The following ATP2C1 variants were observed in gnomAD, a reference collection of about 807,000 sequenced individuals.
ATP2C1 encodes the protein calcium-transporting ATPase type 2C member 1.
ATP2C1 carries 31 observed loss-of-function variants against 120.5 expected under a neutral mutation model. The ratio of observed to expected loss-of-function variants is 0.26; its 90% CI spans 0.19 to 0.35. The LOEUF (loss-of-function observed/expected upper bound fraction) is 0.35. ATP2C1 is among the 10% of genes least tolerant of loss of function. The pLI is 1.00. For synonymous variants in ATP2C1, 351 were observed against 358.7 expected (o/e 0.98, Z 0.24); for missense variants, 731 against 1,107.5 (o/e 0.66, Z 4.83).
At chr3:130,861,546 T>A (rs2068014627) in intron 1 of ATP2C1, among the ~76,000 whole-genome samples, 1 of 152,212 alleles carries the variant, frequency 6.6e-6, no homozygotes. Context: ...ATGAGGAACG[T>A]TCATACTGAT....
chr3:130,942,460 C>T (rs2059965572), intron 8 of ATP2C1, among the ~76,000 whole-genome samples: 1 of 152,178 alleles, frequency 6.6e-6, no homozygotes, highest in Non-Finnish European at 1.5e-5. Context: ...CATTAGTATG[C>T]AGGTCTTATC....
rs1198970038 is a variant in ATP2C1, at chr3:131,001,612, A to T, written c.*262A>T. 8.8e-7 allele frequency: 1 copy of T among 1,130,016 alleles called. No individual in the cohort carries two copies. The highest frequency in any genetic ancestry group is 1.6e-5 in the African/African-American group (1 of 61,138). The allele number at this position is 1,130,016 out of a possible 1,614,324, so 70.0% of individuals were successfully genotyped here. Reference sequence around the variant, plus strand: ...AAAGCATATGGTCAGTTATTTAATTAAAAAGGCAAAACCTGAACCACCTTC... The same window carrying T: ...AAAGCATATGGTCAGTTATTTAATTTAAAAGGCAAAACCTGAACCACCTTC... On this transcript the variant is annotated 3_prime_UTR_variant, in exon 28 of 28. Coordinates refer to ENST00000510168, the MANE Select transcript of ATP2C1 (RefSeq NM_001378687.1).
chr3:130,908,991 A>C (rs2058267667), intron 2 of ATP2C1, among the ~76,000 whole-genome samples: 1 of 152,184 alleles, frequency 6.6e-6, no homozygotes, highest in South Asian at 2.1e-4. Context: ...TAATTTATCA[A>C]ATGAAGAATA....
chr3:130,959,442 C>T (rs937669962), intron 12 of ATP2C1, 101 bp downstream of exon 12: 9 of 741,970 alleles, frequency 1.2e-5, no homozygotes, highest in Non-Finnish European at 2.1e-5. Flanking sequence ...TACATGGAGC[C>T]CATAAGAGTA....
intron 1 of ATP2C1, among the ~76,000 whole-genome samples, chr3:130,881,865 G>A (rs2068792075): frequency 6.6e-6 from 1 of 152,014 alleles, no homozygotes; most frequent in African/African-American, 2.4e-5. Context: ...GTACTCTGTT[G>A]GCATATAGAA....
chr3:130,901,475 G>A (rs2057819455), intron 2 of ATP2C1, among the ~76,000 whole-genome samples: 1 of 152,050 alleles, frequency 6.6e-6, no homozygotes, highest in Non-Finnish European at 1.5e-5. Context: ...AGGGATGGAT[G>A]ACAGAGATAT....
At chr3:130,907,551 C>T (rs900198399) in intron 2 of ATP2C1, among the ~76,000 whole-genome samples, 1 of 152,020 alleles carries the variant, frequency 6.6e-6, no homozygotes, top group Non-Finnish European at 1.5e-5. Flanking sequence ...AATGTCTTGG[C>T]ACCCTTGTCA....
At chr3:131,006,283 T>C (rs539167242), downstream of ATP2C1, among the ~76,000 whole-genome samples, 241 of 152,238 alleles carry the variant, frequency 1.6e-3, no homozygotes, top group Non-Finnish European at 2.6e-3. Flanking sequence ...AGCTAATTTT[T>C]GCATATTTAG....
At chr3:130,937,517 A>G in intron 6 of ATP2C1, 54 bp downstream of exon 6, 3 of 1,485,124 alleles carry the variant, frequency 2.0e-6, no homozygotes, top group Middle Eastern at 3.4e-4. Context: ...CTTAAAAATC[A>G]AGGTGTCTTG....
chr3:130,943,996 T>TA (rs1277300602), intron 8 of ATP2C1, among the ~76,000 whole-genome samples: 1 of 152,238 alleles, frequency 6.6e-6, no homozygotes, highest in East Asian at 1.9e-4. Flanking sequence ...GGTCATTTGA[T>TA]ACTACTGTAT....
At chr3:130,892,339 G>A (rs2069201558), upstream of ATP2C1, among the ~76,000 whole-genome samples, 1 of 152,176 alleles carries the variant, frequency 6.6e-6, no homozygotes, top group African/African-American at 2.4e-5. Flanking sequence ...AATATGTACA[G>A]TAATAACTGT....
intron 1 of ATP2C1, among the ~76,000 whole-genome samples, chr3:130,881,619 T>C (rs1325216447): frequency 1.3e-5 from 2 of 152,230 alleles, no homozygotes; most frequent in Admixed American, 6.5e-5. Context: ...TTGGTAGAGA[T>C]TGCATTCAAT....
chr3:130,978,210 C>T (rs767236152), intron 18 of ATP2C1, among the ~76,000 whole-genome samples: 1 of 152,146 alleles, frequency 6.6e-6, no homozygotes, highest in African/African-American at 2.4e-5. Context: ...TTGGAGCCCA[C>T]ATCTACATAA....
At chr3:130,977,280 T>C (rs2061566897) in intron 18 of ATP2C1, among the ~76,000 whole-genome samples, 1 of 152,212 alleles carries the variant, frequency 6.6e-6, no homozygotes, top group South Asian at 2.1e-4. Flanking sequence ...CCTTTCTTTT[T>C]AAATTTACTT....
intron 8 of ATP2C1, among the ~76,000 whole-genome samples, chr3:130,943,251 T>G (rs1176892600): frequency 6.6e-6 from 1 of 152,228 alleles, no homozygotes; most frequent in African/African-American, 2.4e-5. Context: ...AGTCTCACTC[T>G]GTTGCCCAGG....
At chr3:130,995,269 G>T (rs2062557309) in intron 22 of ATP2C1, among the ~76,000 whole-genome samples, 1 of 151,982 alleles carries the variant, frequency 6.6e-6, no homozygotes, top group South Asian at 2.1e-4. Context: ...AAAAAAAATA[G>T]CTGGGAGTGG....
At position 130,894,551 on chromosome 3, in the gene ATP2C1, G is replaced by A; in HGVS notation, c.-180-39G>A. The stretch of plus-strand genomic sequence containing the variant: ...GGCTGGGCGGGGAACTCCTTCCTCA[G>A]CCTCTCGTCAGCGCCGCTTCTCCTG... On this transcript the variant is annotated intron_variant, in intron 1 of 27. Transcript: ENST00000510168. The surrounding 1 kb of genome is among the most constrained non-coding windows in gnomAD (Gnocchi z 4.5). 4.9e-6 allele frequency: 7 copies of A among 1,415,276 alleles called. No individual in the cohort carries two copies. The highest frequency in any genetic ancestry group is 6.4e-6 in the Non-Finnish European group (7 of 1,085,534). The allele number at this position is 1,415,276 out of a possible 1,614,324, so 87.7% of individuals were successfully genotyped here.
chr3:130,881,351 TCCTC>T, intron 1 of ATP2C1, among the ~76,000 whole-genome samples: 1 of 109,650 alleles, frequency 9.1e-6, no homozygotes, highest in South Asian at 3.1e-4. Flanking sequence ...CTTCTTCTCC[TCCTC>T]CTCCTCCTCC....
Position 130,894,721 on chromosome 3 carries a change from G to A in ATP2C1, c.-49G>A. 1 of 1,614,130 alleles carries A rather than the reference G, an allele frequency of 6.2e-7. No individual in the cohort carries two copies. ...CTCTATTCCCAGTGTGGCCGTGGCT[G>A]ACACTAAAGACTTTGTAGCCATCAA... is the stretch of plus-strand genomic sequence containing the variant. On this transcript the variant is annotated 5_prime_UTR_variant, in exon 2 of 28. Coordinates refer to ENST00000510168, the MANE Select transcript of ATP2C1 (RefSeq NM_001378687.1). The surrounding 1 kb of genome is among the most constrained non-coding windows in gnomAD (Gnocchi z 4.5).
Sources: gnomAD v4.1 joint callset for allele counts (sites outside exome capture counted in the v4.1 genomes callset) on GRCh38, gnomAD v4.1.1 for gene constraint, Gnocchi (gnomAD v3.1) non-coding constraint, MANE v1.5 for transcripts, NCBI Gene and HGNC (gene_info 2026-07-23, HGNC 2026-07-21) for gene names.